EFR3A: variants seen among roughly 807,000 people sequenced by gnomAD.
EFR3A encodes the protein protein EFR3 homolog A.
In EFR3A, 76 loss-of-function variants were observed where a neutral mutation model predicts 104.4. The ratio of observed to expected loss-of-function variants is 0.73; its 90% confidence interval spans 0.60 to 0.88. The LOEUF (loss-of-function observed/expected upper bound fraction) is 0.88, where lower values mean the gene tolerates loss of function less well. Among genes scored for constraint, EFR3A ranks in the 40% least tolerant of loss-of-function variants. The probability of loss-of-function intolerance (pLI) is 0.00; values close to 1 mark genes in which losing one functional copy is unlikely to be tolerated. For missense variants in EFR3A, 985 were observed against 1,012.5 expected (o/e 0.97, Z 0.37); for synonymous variants, 330 against 330.0 (o/e 1.00, Z 0.00).
chr8:131,909,971 C>T (rs980019308), intron 1 of EFR3A, among the ~76,000 whole-genome samples: 2 of 152,224 alleles, frequency 1.3e-5, no homozygotes, highest in African/African-American at 4.8e-5. Context: ...CTAGGCATTG[C>T]CGTCTCAGTG....
Position 132,012,701 on chromosome 8 carries a change from A to G in EFR3A, c.*1806A>G, listed in dbSNP as rs939547685. 2.0e-5 allele frequency: 3 copies of G among 152,496 alleles called. No individual in the cohort carries two copies. Among genetic ancestry groups the G allele is most frequent in the African/African-American group, 4.8e-5 (2 of 41,422 alleles). The allele number at this position is 152,496 out of a possible 1,614,324, so 9.4% of individuals were successfully genotyped here. ...GCAAAAACAATCATCATCCACTTGG[A>G]TGTCATTTTATAGATTAACACTGTG... On this transcript the variant is annotated 3_prime_UTR_variant, in exon 23 of 23. Transcript: ENST00000254624.
At chr8:132,010,721 A>G in intron 22 of EFR3A, 69 bp from the exon 23 acceptor site, 4 of 1,547,056 alleles carry the variant, frequency 2.6e-6, no homozygotes, top group Non-Finnish European at 3.5e-6. Flanking sequence ...CAGATAGTAG[A>G]TAGAATACTC....
At chr8:132,004,231 A>G (rs757347929) in intron 22 of EFR3A, among the ~76,000 whole-genome samples, 3 of 152,224 alleles carry the variant, frequency 2.0e-5, no homozygotes, top group Non-Finnish European at 4.4e-5. Flanking sequence ...AAAATATTCA[A>G]TATGTGCTAG....
chr8:131,995,989 G>T (rs1177906258), intron 18 of EFR3A, among the ~76,000 whole-genome samples: 1 of 152,142 alleles, frequency 6.6e-6, no homozygotes, highest in African/African-American at 2.4e-5. Context: ...TTAGCTGACA[G>T]CTTTCACTGT....
intron 19 of EFR3A, 120 bp from the exon 20 acceptor site, chr8:132,001,639 A>G: frequency 2.5e-6 from 2 of 787,510 alleles, no homozygotes; most frequent in Admixed American, 2.2e-5. Flanking sequence ...CTCACAGCTC[A>G]GACCCAACAC....
intron 5 of EFR3A, among the ~76,000 whole-genome samples, chr8:131,953,083 TTTC>T (rs1202812047): frequency 6.6e-6 from 1 of 152,114 alleles, no homozygotes; most frequent in African/African-American, 2.4e-5. Flanking sequence ...TCTAGTCACT[TTTC>T]TTCTCATTCT....
In EFR3A at chr8:131,965,041, C is replaced by T. The variant is rs534812278; in HGVS notation, c.856-3254C>T. On this transcript the variant is annotated intron_variant, in intron 8 of 22. Coordinates refer to ENST00000254624, the MANE Select transcript of EFR3A (RefSeq NM_015137.6). ...TAGAAAGCTGAAACTGGATCCCTTCCTTACACCTTATACAAAAATTAATTC... is the reference window on the plus strand; with the variant it reads ...TAGAAAGCTGAAACTGGATCCCTTCTTTACACCTTATACAAAAATTAATTC... 1.5e-3 allele frequency among the ~76,000 whole-genome samples: 235 copies of T among 151,932 alleles called. 2 individuals are homozygous for T. Among genetic ancestry groups the T allele is most frequent in the African/African-American group, 5.5e-3 (228 of 41,362 alleles).
intron 1 of EFR3A, among the ~76,000 whole-genome samples, chr8:131,928,911 T>G (rs898106950): frequency 6.6e-6 from 1 of 152,068 alleles, no homozygotes; most frequent in Non-Finnish European, 1.5e-5. Flanking sequence ...CTTTTGTAAT[T>G]TTCTTTCTGT....
At position 131,955,734 on chromosome 8, in the gene EFR3A, C is replaced by G. The variant is rs758765829; in HGVS notation, c.639-34C>G. On this transcript the variant is annotated intron_variant, in intron 6 of 22. Coordinates refer to ENST00000254624, the MANE Select transcript of EFR3A (RefSeq NM_015137.6). ...GTTTATTAGAACTGATATTAAAATT[C>G]TTGTGTTTTTCTTTATTTCTCGTTC... 7 of 1,582,774 alleles carry G rather than the reference C, an allele frequency of 4.4e-6. No individual in the cohort carries two copies. The Admixed American group carries it at 5.6e-5, about 13-fold the overall frequency.
At chr8:131,982,811 A>G (rs1001160619) in intron 14 of EFR3A, among the ~76,000 whole-genome samples, 2 of 152,112 alleles carry the variant, frequency 1.3e-5, no homozygotes, top group African/African-American at 4.8e-5. Context: ...TACCCCACCC[A>G]AGTATAGAAA....
At chr8:131,927,500 A>C (rs2130479977) in intron 1 of EFR3A, among the ~76,000 whole-genome samples, 1 of 152,316 alleles carries the variant, frequency 6.6e-6, no homozygotes, top group Non-Finnish European at 1.5e-5. Flanking sequence ...AAATTGCTGC[A>C]TGAAAAGTTA....
chr8:131,928,217 G>C (rs1279180424), intron 1 of EFR3A, among the ~76,000 whole-genome samples: 1 of 151,468 alleles, frequency 6.6e-6, no homozygotes, highest in Non-Finnish European at 1.5e-5. Flanking sequence ...CTTCAAATGT[G>C]GAACTTCTGT....
In EFR3A at chr8:131,914,388, A is replaced by G. The variant is rs534098492; in HGVS notation, c.10+10066A>G. ...CTGCCCCAGGACAGTTCTATTTCTA[A>G]TACCTATACAGAAGCTCCTTCCCCT... On this transcript the variant is annotated intron_variant, in intron 1 of 22. Transcript: ENST00000254624. Among the ~76,000 whole-genome samples, 5 of 152,226 alleles carry G rather than the reference A, an allele frequency of 3.3e-5. No homozygotes were observed. The East Asian group carries it at 9.6e-4, about 29-fold the overall frequency.
chr8:131,991,679 A>G (rs1472682718), intron 18 of EFR3A, among the ~76,000 whole-genome samples: 4 of 152,098 alleles, frequency 2.6e-5, no homozygotes, highest in Admixed American at 2.0e-4. Flanking sequence ...ATGGAGAGAA[A>G]GAGGATGGAA....
chr8:131,938,235 ATG>A (rs1229812416), intron 1 of EFR3A: 1 of 397,862 alleles, frequency 2.5e-6, no homozygotes. Flanking sequence ...ATGAAGGACT[ATG>A]TTCAGGTACC....
In EFR3A at chr8:131,989,237, T is replaced by A. The variant is rs796403613; in HGVS notation, c.2065+1535T>A. On this transcript the variant is annotated intron_variant, in intron 18 of 22. Coordinates refer to ENST00000254624, the MANE Select transcript of EFR3A (RefSeq NM_015137.6). ...CAGTGATATTTTATGGGATACTGAA[T>A]CTGTAATTAAATTTCCTTTTGCTGT... Among the ~76,000 whole-genome samples the A allele has an allele frequency of 2.6e-5, 4 of 152,316 alleles. 1 individual carries two copies. Among genetic ancestry groups the A allele is most frequent in the African/African-American group, 9.6e-5 (4 of 41,580 alleles).
intron 22 of EFR3A, among the ~76,000 whole-genome samples, chr8:132,007,914 C>T (rs1822126879): frequency 6.6e-6 from 1 of 151,858 alleles, no homozygotes. Flanking sequence ...ATACTAATCT[C>T]AATCCCTACC....
At chr8:131,973,713 A>T (rs1820189845) in intron 10 of EFR3A, among the ~76,000 whole-genome samples, 1 of 152,194 alleles carries the variant, frequency 6.6e-6, no homozygotes, top group Admixed American at 6.5e-5. Context: ...ACTTTAAGTT[A>T]TCAGGCTGTT....
chr8:131,993,178 G>C (rs1436938535), intron 18 of EFR3A, among the ~76,000 whole-genome samples: 1 of 152,136 alleles, frequency 6.6e-6, no homozygotes, highest in East Asian at 1.9e-4. Context: ...TAGTGTCAAG[G>C]TTAAGAAACC....
Sources: gnomAD v4.1 joint callset for allele counts (sites outside exome capture counted in the v4.1 genomes callset) on GRCh38, gnomAD v4.1.1 for gene constraint, MANE v1.5 for transcripts, NCBI Gene and HGNC (gene_info 2026-07-23, HGNC 2026-07-21) for gene names.